TPST1: variants seen among roughly 807,000 people sequenced by gnomAD.
The protein encoded by TPST1 is protein-tyrosine sulfotransferase 1.
Under a neutral mutation model 34.8 loss-of-function variants are expected in TPST1, and 20 were observed. That is an observed-to-expected ratio of 0.57 (90% CI 0.40 to 0.84). The LOEUF (loss-of-function observed/expected upper bound fraction) is 0.84, where lower values mean the gene tolerates loss of function less well. Among genes scored for constraint, TPST1 ranks in the 40% least tolerant of loss-of-function variants. The pLI is 0.00. For synonymous variants in TPST1, 152 were observed against 159.4 expected, an observed-to-expected ratio of 0.95 and a Z score of 0.35; for missense variants, 353 against 455.5, an observed-to-expected ratio of 0.78 and a Z score of 2.05.
chr7:66,215,058 TA>T (rs1258410203), intron 1 of TPST1, among the ~76,000 whole-genome samples: 1 of 147,422 alleles, frequency 6.8e-6, no homozygotes, highest in African/African-American at 2.5e-5. Flanking sequence ...AATATATTTA[TA>T]TATATATGTT....
At chr7:66,298,991 T>C (rs1057338200) in intron 3 of TPST1, among the ~76,000 whole-genome samples, 7 of 152,160 alleles carry the variant, frequency 4.6e-5, no homozygotes, top group African/African-American at 1.4e-4. Flanking sequence ...CTGGGCTTGG[T>C]TGTGGGCACC....
At chr7:66,274,348 CAG>C (rs1790765436) in intron 2 of TPST1, among the ~76,000 whole-genome samples, 1 of 149,384 alleles carries the variant, frequency 6.7e-6, no homozygotes, top group South Asian at 2.1e-4. Flanking sequence ...GCCTGGGCGA[CAG>C]AGTGAGACTC....
chr7:66,201,555 G>A (rs1789035996), upstream of TPST1, among the ~76,000 whole-genome samples: 1 of 152,048 alleles, frequency 6.6e-6, no homozygotes, highest in African/African-American at 2.4e-5. Context: ...GCTGGGCGTG[G>A]TGGTGGGCAC....
intron 3 of TPST1, among the ~76,000 whole-genome samples, chr7:66,323,821 A>G (rs1437418450): frequency 6.6e-6 from 1 of 152,242 alleles, no homozygotes; most frequent in Non-Finnish European, 1.5e-5. Context: ...AATAAAAAAT[A>G]CATGGGAAAT....
chr7:66,342,611 C>A (rs1407634646), intron 3 of TPST1, among the ~76,000 whole-genome samples: 1 of 152,094 alleles, frequency 6.6e-6, no homozygotes, highest in Non-Finnish European at 1.5e-5. Flanking sequence ...AAGCATGGCA[C>A]CAGCATCTAT....
At chr7:66,215,774 TC>T (rs60861712) in intron 1 of TPST1, among the ~76,000 whole-genome samples, 74,686 of 129,506 alleles carry the variant, frequency 0.58, 21,895 homozygotes, top group African/African-American at 0.68. Context: ...TCTTTTTCTT[TC>T]TTTTTTTTTT....
At chr7:66,227,477 C>G (rs1452866546) in intron 1 of TPST1, among the ~76,000 whole-genome samples, 3 of 151,908 alleles carry the variant, frequency 2.0e-5, no homozygotes, top group Non-Finnish European at 4.4e-5. Context: ...GACTGGAGGG[C>G]AGTGGTGTGA....
chr7:66,331,447 C>T (rs571663817), intron 3 of TPST1, among the ~76,000 whole-genome samples: 1 of 152,282 alleles, frequency 6.6e-6, no homozygotes, highest in African/African-American at 2.4e-5. Context: ...ATCTGAAACC[C>T]TTGGGAAGTG....
intron 3 of TPST1, among the ~76,000 whole-genome samples, chr7:66,301,747 T>C (rs1262407371): frequency 6.6e-6 from 1 of 152,226 alleles, no homozygotes; most frequent in East Asian, 1.9e-4. Context: ...TTATATGGGC[T>C]TAGGATCGTG....
intron 2 of TPST1, among the ~76,000 whole-genome samples, chr7:66,249,328 CAAAG>C (rs1234772967): frequency 6.6e-6 from 1 of 151,650 alleles, no homozygotes; most frequent in Non-Finnish European, 1.5e-5. Flanking sequence ...TAACTACTGT[CAAAG>C]AAAAGCCAAG....
chr7:66,231,088 A>C lies in TPST1; in HGVS notation c.-101-9237A>C, dbSNP rs1286723550. ...TGTATTTACAATCCCTGAGCTAGAC[A>C]TAAAGGTTCTCCAAGGCCCCACCAG... On this transcript the variant is annotated intron_variant, in intron 1 of 5. Coordinates refer to ENST00000304842, the MANE Select transcript of TPST1 (RefSeq NM_003596.4). 2.6e-5 allele frequency among the ~76,000 whole-genome samples: 4 copies of C among 152,084 alleles called. No homozygotes were observed. The South Asian group carries it at 6.2e-4, about 24-fold the overall frequency.
intron 3 of TPST1, among the ~76,000 whole-genome samples, chr7:66,322,309 C>T (rs1791772984): frequency 1.3e-5 from 2 of 152,180 alleles, no homozygotes; most frequent in South Asian, 2.1e-4. Context: ...TAGTGTTAAA[C>T]ATATTTACAG....
chr7:66,279,406 T>A (rs1790887683), intron 2 of TPST1, among the ~76,000 whole-genome samples: 1 of 152,202 alleles, frequency 6.6e-6, no homozygotes, highest in Non-Finnish European at 1.5e-5. Context: ...TACATGTGTC[T>A]TTATAGTAGA....
intron 3 of TPST1, among the ~76,000 whole-genome samples, chr7:66,308,991 C>T (rs1218784801): frequency 1.3e-5 from 2 of 152,248 alleles, no homozygotes; most frequent in South Asian, 2.1e-4. Context: ...CTCTGCCTTC[C>T]GGGTTCAAGC....
intron 1 of TPST1, among the ~76,000 whole-genome samples, chr7:66,211,740 G>T (rs898302775): frequency 3.9e-5 from 6 of 152,220 alleles, no homozygotes; most frequent in Admixed American, 3.9e-4. Flanking sequence ...GGCCAAGGCA[G>T]GGGGATCACG....
chr7:66,270,633 C>G (rs1336423958), intron 2 of TPST1, among the ~76,000 whole-genome samples: 3 of 152,086 alleles, frequency 2.0e-5, no homozygotes, highest in Non-Finnish European at 4.4e-5. Flanking sequence ...TTTGAAGAAC[C>G]CAAGCTATTT....
At chr7:66,245,558 G>C (rs895309626) in intron 2 of TPST1, among the ~76,000 whole-genome samples, 3 of 152,170 alleles carry the variant, frequency 2.0e-5, no homozygotes, top group Non-Finnish European at 4.4e-5. Flanking sequence ...TGCTAAAACT[G>C]GATTTTATAA....
At chr7:66,249,403 C>T (rs1009022558) in intron 2 of TPST1, among the ~76,000 whole-genome samples, 2 of 152,098 alleles carry the variant, frequency 1.3e-5, no homozygotes, top group Admixed American at 6.5e-5. Context: ...CATGGTTCCT[C>T]CTTGGTCCTT....
intron 3 of TPST1, among the ~76,000 whole-genome samples, chr7:66,326,454 T>C (rs1030171323): frequency 6.6e-6 from 1 of 152,228 alleles, no homozygotes; most frequent in African/African-American, 2.4e-5. Flanking sequence ...CTGTTGACTT[T>C]ACTTGTATAT....
Sources: gnomAD v4.1 joint callset for allele counts (sites outside exome capture counted in the v4.1 genomes callset) on GRCh38, gnomAD v4.1.1 for gene constraint, MANE v1.5 for transcripts, NCBI Gene and HGNC (gene_info 2026-07-23, HGNC 2026-07-21) for gene names.